ATP5F1A: variants seen among roughly 807,000 people sequenced by gnomAD.
ATP5F1A encodes the protein ATP synthase F1 subunit alpha.
ATP5F1A carries 24 observed loss-of-function variants against 57.4 expected under a neutral mutation model. That is an observed-to-expected ratio of 0.42 (90% confidence interval 0.30 to 0.59). The LOEUF is 0.59. ATP5F1A is among the 20% of genes least tolerant of loss of function. The probability of loss-of-function intolerance (pLI) is 0.19; values close to 1 mark genes in which losing one functional copy is unlikely to be tolerated. For synonymous variants in ATP5F1A, 251 were observed against 255.5 expected, an observed-to-expected ratio of 0.98 and a Z score of 0.17; for missense variants, 494 against 707.9, an observed-to-expected ratio of 0.70 and a Z score of 3.43.
chr18:46,086,937 A>G, intron 8 of ATP5F1A, 71 bp downstream of exon 8: 2 of 1,488,604 alleles, frequency 1.3e-6, no homozygotes, highest in African/African-American at 1.4e-5. Context: ...TCAATATACC[A>G]TTAGTCTCAA....
chr18:46,092,480 T>C (rs1487055323), intron 2 of ATP5F1A, among the ~76,000 whole-genome samples: 1 of 150,876 alleles, frequency 6.6e-6, no homozygotes, highest in African/African-American at 2.4e-5. Flanking sequence ...GGCACGGGCA[T>C]GCCTGTAGTC....
At position 46,087,942 on chromosome 18, in the gene ATP5F1A, C is replaced by T. The variant is rs1378493496; in HGVS notation, c.799+167G>A. 4 of 687,986 alleles carry T rather than the reference C, an allele frequency of 5.8e-6. No individual in the cohort carries two copies. The African/African-American group carries it at 7.4e-5, about 13-fold the overall frequency. 42.6% of individuals were successfully genotyped at this position (687,986 alleles called of 1,614,324 possible). Reference sequence around the variant, plus strand: ...TTCCACTTTAAAGAAACCAACAAAACCTTTAAATGTACTACTGTTTTACAT... The same window carrying T: ...TTCCACTTTAAAGAAACCAACAAAATCTTTAAATGTACTACTGTTTTACAT... On this transcript the variant is annotated intron_variant, in intron 6 of 11. Coordinates refer to ENST00000398752, the MANE Select transcript of ATP5F1A (RefSeq NM_004046.6).
intron 2 of ATP5F1A, among the ~76,000 whole-genome samples, chr18:46,094,164 TAC>T (rs71938962): frequency 0.33 from 49,619 of 148,780 alleles, 9,045 homozygotes; most frequent in Middle Eastern, 0.51. Context: ...TGTGTACACA[TAC>T]ACACACACAC....
In ATP5F1A at chr18:46,084,027, G is replaced by T; in HGVS notation, c.*255C>A. On this transcript the variant is annotated 3_prime_UTR_variant, in exon 12 of 12. Transcript: ENST00000398752. The stretch of plus-strand genomic sequence containing the variant: ...AAAAACTTACAAAGAGCTCAGCCTT[G>T]AATTATCTAGCCCAGTTGACTGTAC... 9 of 300,874 alleles carry T rather than the reference G, an allele frequency of 3.0e-5. No individual in the cohort carries two copies. The highest frequency in any genetic ancestry group is 5.1e-5 in the Admixed American group (1 of 19,612). The allele number at this position is 300,874 out of a possible 1,614,324, so 18.6% of individuals were successfully genotyped here.
chr18:46,103,126 A>AC (rs1459242857), upstream of ATP5F1A, among the ~76,000 whole-genome samples: 2 of 151,296 alleles, frequency 1.3e-5, no homozygotes, highest in Non-Finnish European at 2.9e-5. Context: ...ACGTGGTGAA[A>AC]CCCCCCGTTC....
chr18:46,085,930 T>C, intron 10 of ATP5F1A, 183 bp downstream of exon 10: 1 of 693,130 alleles, frequency 1.4e-6, no homozygotes. Context: ...TGAAACTTCG[T>C]CTCAAAAAAA....
At chr18:46,086,898 TA>T in intron 8 of ATP5F1A, 109 bp downstream of exon 8, 1 of 1,241,186 alleles carries the variant, frequency 8.1e-7, no homozygotes, top group Non-Finnish European at 1.1e-6. Flanking sequence ...TTTTCCATAA[TA>T]AAAAGTAAAA....
chr18:46,098,677 C>A (rs540506655), upstream of ATP5F1A, among the ~76,000 whole-genome samples: 1 of 152,022 alleles, frequency 6.6e-6, no homozygotes, highest in African/African-American at 2.4e-5. Context: ...AGTGTTAGAC[C>A]GTGGTTTAGC....
At chr18:46,100,132 T>C (rs1250214490), upstream of ATP5F1A, among the ~76,000 whole-genome samples, 1 of 151,186 alleles carries the variant, frequency 6.6e-6, no homozygotes, top group Non-Finnish European at 1.5e-5. Flanking sequence ...GCACCTGTAA[T>C]CCCAGCTACT....
chr18:46,084,399 C>G (rs1909933771), intron 11 of ATP5F1A, 36 bp from the exon 12 acceptor site: 10 of 1,598,032 alleles, frequency 6.3e-6, no homozygotes, highest in Non-Finnish European at 8.5e-6. Context: ...AAGTTCTGAC[C>G]TGGAAAAAGT....
In ATP5F1A at chr18:46,082,759, T is replaced by C. The variant is rs1299122524; in HGVS notation, c.*1523A>G. The C allele has an allele frequency of 7.0e-6, 1 of 143,558 alleles. No individual in the cohort carries two copies. Among genetic ancestry groups the C allele is most frequent in the Non-Finnish European group, 1.5e-5 (1 of 65,046 alleles). The allele number at this position is 143,558 out of a possible 1,614,324, so 8.9% of individuals were successfully genotyped here. ...CTATGAAAAATTAAAAGTAAATAAA[T>C]AAATCAGTAGGCTGGGCGTGGTGGC... On this transcript the variant is annotated 3_prime_UTR_variant, in exon 12 of 12. Transcript: ENST00000398752.
In ATP5F1A at chr18:46,082,697, G is replaced by GT. The variant is rs1909830383; in HGVS notation, c.*1584dup. 6.6e-6 allele frequency: 1 copy of GT among 150,736 alleles called. No individual in the cohort carries two copies. The highest frequency in any genetic ancestry group is 1.5e-5 in the Non-Finnish European group (1 of 67,746). The allele number at this position is 150,736 out of a possible 1,614,324, so 9.3% of individuals were successfully genotyped here. A position where few individuals can be genotyped will look rare whatever the true frequency, so the allele number is the denominator to read the frequency against. On this transcript the variant is annotated 3_prime_UTR_variant, in exon 12 of 12. Coordinates refer to ENST00000398752, the MANE Select transcript of ATP5F1A (RefSeq NM_004046.6). ...CCATCTCAAATAAATAAATAACTAAGTAAAAAAAAAGGTAACACATTAAGA... is the reference window on the plus strand; with the variant it reads ...CCATCTCAAATAAATAAATAACTAAGTTAAAAAAAAAGGTAACACATTAAGA...
upstream of ATP5F1A, among the ~76,000 whole-genome samples, chr18:46,099,045 T>C (rs914583452): frequency 7.9e-5 from 10 of 127,036 alleles, no homozygotes; most frequent in Admixed American, 7.6e-4. Flanking sequence ...ATGGCACACA[T>C]TTACCTGTGT....
At chr18:46,095,342 A>G (rs1392847158) in intron 1 of ATP5F1A, among the ~76,000 whole-genome samples, 3 of 152,154 alleles carry the variant, frequency 2.0e-5, no homozygotes, top group African/African-American at 7.2e-5. Flanking sequence ...AAACACTCGC[A>G]TATTTTTAAA....
At position 46,096,982 on chromosome 18, in the gene ATP5F1A, C is replaced by CAAAAAAAA. The variant is rs71160709; in HGVS notation, c.60+1182_60+1189dup. On this transcript the variant is annotated intron_variant, in intron 1 of 11. Coordinates refer to ENST00000398752, the MANE Select transcript of ATP5F1A (RefSeq NM_004046.6). ...TGGGCGACTGAGCGAGACACCATCT[C>CAAAAAAAA]AAAAAAAAAAAAAAAAAAAAAAAAC... 2.8e-3 allele frequency among the ~76,000 whole-genome samples: 212 copies of CAAAAAAAA among 75,156 alleles called. 9 individuals are homozygous for CAAAAAAAA. The highest frequency in any genetic ancestry group is 0.012 in the African/African-American group (197 of 16,080). 49.3% of individuals were successfully genotyped at this position (75,156 alleles called of 152,430 possible). A position where few individuals can be genotyped will look rare whatever the true frequency, so the allele number is the denominator to read the frequency against.
rs71160709 is a variant in ATP5F1A at position 46,096,982 on chromosome 18, C to CAAAAAA, written c.60+1184_60+1189dup. Among the ~76,000 whole-genome samples, 358 of 75,114 alleles carry CAAAAAA rather than the reference C, an allele frequency of 4.8e-3. 14 individuals carry two copies. Among genetic ancestry groups the CAAAAAA allele is most frequent in the African/African-American group, 0.02 (325 of 16,052 alleles). The allele number at this position is 75,114 out of a possible 152,430, so 49.3% of individuals were successfully genotyped here. A position where few individuals can be genotyped will look rare whatever the true frequency, so the allele number is the denominator to read the frequency against. On this transcript the variant is annotated intron_variant, in intron 1 of 11. Transcript: ENST00000398752. ...TGGGCGACTGAGCGAGACACCATCT[C>CAAAAAA]AAAAAAAAAAAAAAAAAAAAAAAAC... is the stretch of plus-strand genomic sequence containing the variant.
chr18:46,086,041 G>C (rs995825106), intron 10 of ATP5F1A, 72 bp downstream of exon 10: 3 of 1,514,854 alleles, frequency 2.0e-6, no homozygotes, highest in Non-Finnish European at 1.8e-6. Context: ...GATATGTGAT[G>C]CAGCTCTGTA....
chr18:46,098,159 C>A lies in ATP5F1A; in HGVS notation c.60+13G>T. The A allele has an allele frequency of 6.3e-7, 1 of 1,599,436 alleles. No individual in the cohort carries two copies. The stretch of plus-strand genomic sequence containing the variant: ...ACCCGGCCGCCTGCATCATGCCGGC[C>A]TTCGGTGCTCACCAGTCCGGCCCGC... On this transcript the variant is annotated intron_variant, in intron 1 of 11. Coordinates refer to ENST00000398752, the MANE Select transcript of ATP5F1A (RefSeq NM_004046.6).
rs1909779694 is a variant in ATP5F1A at position 46,082,022 on chromosome 18, A to C, written c.*2260T>G. 1 of 151,668 alleles carries C rather than the reference A, an allele frequency of 6.6e-6. No homozygotes were observed. Among genetic ancestry groups the C allele is most frequent in the African/African-American group, 2.4e-5 (1 of 41,326 alleles). 9.4% of individuals were successfully genotyped at this position (151,668 alleles called of 1,614,324 possible). On this transcript the variant is annotated 3_prime_UTR_variant, in exon 12 of 12. Coordinates refer to ENST00000398752, the MANE Select transcript of ATP5F1A (RefSeq NM_004046.6). ...GCAAGGAAGGGGGAACCCTAGGAAAAATATTTTAGAACATGACCATGTATG... is the reference window on the plus strand; with the variant it reads ...GCAAGGAAGGGGGAACCCTAGGAAACATATTTTAGAACATGACCATGTATG...
Sources: gnomAD v4.1 joint callset for allele counts (sites outside exome capture counted in the v4.1 genomes callset) on GRCh38, gnomAD v4.1.1 for gene constraint, MANE v1.5 for transcripts, NCBI Gene and HGNC (gene_info 2026-07-23, HGNC 2026-07-21) for gene names.